Variants in PEDS1 observed in about 807,000 individuals in gnomAD.
PEDS1 encodes the protein CarF homolog.
Under a neutral mutation model 35.2 loss-of-function variants are expected in PEDS1, and 14 were observed. The ratio of observed to expected loss-of-function variants is 0.40; its 90% CI spans 0.26 to 0.62. PEDS1 has a LOEUF of 0.62. PEDS1 is among the 20% of genes least tolerant of loss of function. PEDS1 has a pLI of 0.44. For missense variants in PEDS1, 260 were observed against 367.8 expected, an observed-to-expected ratio of 0.71 and a Z score of 2.40; for synonymous variants, 152 against 152.0, an observed-to-expected ratio of 1.00 and a Z score of 0.00.
chr20:50,153,681 G>A lies in PEDS1; in HGVS notation c.-44C>T. 1 of 1,205,356 alleles carries A rather than the reference G, an allele frequency of 8.3e-7. No homozygotes were observed. Among genetic ancestry groups the A allele is most frequent in the Non-Finnish European group, 1.0e-6 (1 of 971,284 alleles). 74.7% of individuals were successfully genotyped at this position (1,205,356 alleles called of 1,614,324 possible). A position where few individuals can be genotyped will look rare whatever the true frequency, so the allele number is the denominator to read the frequency against. ...CCCGGTGCGCTCTGCTGGCGGCGGC[G>A]GCGGCAGGGCCGCGGAACCGCGGCG... is the stretch of plus-strand genomic sequence containing the variant. On this transcript the variant is annotated 5_prime_UTR_variant, in exon 1 of 6. Transcript: ENST00000371652.
chr20:50,132,633 G>T (rs2081191843), intron 2 of PEDS1, among the ~76,000 whole-genome samples: 1 of 152,124 alleles, frequency 6.6e-6, no homozygotes, highest in Non-Finnish European at 1.5e-5. Flanking sequence ...CGGCACCTCT[G>T]ACTGCTCTTG....
At chr20:50,127,309 G>C (rs953946578) in intron 5 of PEDS1, among the ~76,000 whole-genome samples, 1 of 150,074 alleles carries the variant, frequency 6.7e-6, no homozygotes, top group Non-Finnish European at 1.5e-5. Context: ...TAGATGGTGA[G>C]TGCCACAAGG....
chr20:50,147,618 C>T (rs2081358957), intron 1 of PEDS1, among the ~76,000 whole-genome samples: 1 of 152,182 alleles, frequency 6.6e-6, no homozygotes, highest in Non-Finnish European at 1.5e-5. Flanking sequence ...GTCCTGAAAC[C>T]AAAGATGATC....
rs776547025 is a variant in PEDS1 at position 50,143,518 on chromosome 20, G to A, written c.225C>T (p.Leu75=). Residue 75 remains leucine, a synonymous_variant, in exon 2 of 6, where the codon CTC becomes CTT. Transcript: ENST00000371652. ...LLLARWEDTP[L]VILGVVAGAL... ...GGCACTCACCAACACCGAGTATGACGAGGGGTGTGTCCTCCCAGCGGGCCA... is the reference window on the plus strand; with the variant it reads ...GGCACTCACCAACACCGAGTATGACAAGGGGTGTGTCCTCCCAGCGGGCCA... 2.5e-5 allele frequency: 41 copies of A among 1,609,888 alleles called. No homozygotes were observed. The highest frequency in any genetic ancestry group is 3.3e-4 in the Middle Eastern group (2 of 6,080).
chr20:50,129,362 T>C lies in PEDS1; in HGVS notation c.478+184A>G, dbSNP rs569946675. Reference sequence around the variant, plus strand: ...ATGGACCCAGGGGGGCCAGAGCAGATTGTGCAAGAGAAGCTGGAAACCTCC... The same window carrying C: ...ATGGACCCAGGGGGGCCAGAGCAGACTGTGCAAGAGAAGCTGGAAACCTCC... On this transcript the variant is annotated intron_variant, in intron 4 of 5. Transcript: ENST00000371652. The surrounding 1 kb of genome is among the most constrained non-coding windows in gnomAD (Gnocchi z 4.2). Among the ~76,000 whole-genome samples the C allele has an allele frequency of 2.0e-5, 3 of 152,254 alleles. No homozygotes were observed. Among genetic ancestry groups the C allele is most frequent in the South Asian group, 2.1e-4 (1 of 4,818 alleles).
chr20:50,138,874 G>A (rs1301433065), intron 2 of PEDS1, among the ~76,000 whole-genome samples: 1 of 152,208 alleles, frequency 6.6e-6, no homozygotes, highest in Non-Finnish European at 1.5e-5. Context: ...GCTCACCCCA[G>A]GCTACCCTGA....
Position 50,130,894 on chromosome 20 carries a change from C to T in PEDS1, c.295G>A (p.Asp99Asn). 1 of 1,614,226 alleles carries T rather than the reference C, an allele frequency of 6.2e-7. No individual in the cohort carries two copies. Among genetic ancestry groups the T allele is most frequent in the Non-Finnish European group, 8.5e-7 (1 of 1,180,042 alleles). The change falls in exon 3 of 6, where the codon GAC becomes AAC. Residue 99 changes from aspartate (D) to asparagine (N), a missense_variant. By Grantham distance (23) the Asp-to-Asn change is conservative. Transcript: ENST00000371652. ...FLSGLVHWGA[D>N]TWGSVELPIV... is the part of the protein sequence containing the mutation. ...GGCAGCTCCACAGAGCCCCATGTGT[C>T]AGCACCCCAGTGTACCAGGCCAGAC...
At chr20:50,149,114 AAAAC>A (rs1198207933) in intron 1 of PEDS1, among the ~76,000 whole-genome samples, 3 of 152,276 alleles carry the variant, frequency 2.0e-5, no homozygotes, top group South Asian at 2.1e-4. Context: ...CCTTGTCTCA[AAAAC>A]AAACAAACAA....
In PEDS1 at chr20:50,128,204, G is replaced by A. The variant is rs370448658; in HGVS notation, c.479-17C>T. 28 of 1,611,918 alleles carry A rather than the reference G, an allele frequency of 1.7e-5. No homozygotes were observed. The Admixed American group carries it at 3.3e-4, about 19-fold the overall frequency. ...CCAGGGCTTCTGCAGGTTGGGGAGA[G>A]GGGGGGCCGGCACAGCTGTCACTCG... On this transcript the variant is annotated splice_polypyrimidine_tract_variant and intron_variant, in intron 4 of 5. Coordinates refer to ENST00000371652, the MANE Select transcript of PEDS1 (RefSeq NM_199129.4). This position sits in a 1 kb window ranked among gnomAD's most constrained non-coding sequence, Gnocchi z 5.2.
At chr20:50,140,977 A>T (rs2081286382) in intron 2 of PEDS1, among the ~76,000 whole-genome samples, 1 of 152,176 alleles carries the variant, frequency 6.6e-6, no homozygotes, top group African/African-American at 2.4e-5. Flanking sequence ...TGCAGCCTCG[A>T]AAGCCAGAGA....
chr20:50,145,327 C>G (rs2081334715), intron 1 of PEDS1, among the ~76,000 whole-genome samples: 1 of 152,096 alleles, frequency 6.6e-6, no homozygotes, highest in Non-Finnish European at 1.5e-5. Flanking sequence ...CCCAGGAGTT[C>G]AAGACCAGCT....
At chr20:50,130,709 G>T in intron 3 of PEDS1, 147 bp downstream of exon 3, 1 of 1,016,076 alleles carries the variant, frequency 9.8e-7, no homozygotes, top group Non-Finnish European at 1.4e-6. Flanking sequence ...TCCTGTTCTA[G>T]TCTTGCAGCA....
rs148547339 is a variant in PEDS1 at position 50,120,842 on chromosome 20, G to GA, written c.*4215dup. On this transcript the variant is annotated 3_prime_UTR_variant, in exon 6 of 6. Coordinates refer to ENST00000371652, the MANE Select transcript of PEDS1 (RefSeq NM_199129.4). ...TGACAGAGCAAGACCCCGTCTCCAG[G>GA]AAAAAAAAAAGGCGGGGTGATGGAG... The GA allele has an allele frequency of 0.021, 3,052 of 148,480 alleles. 98 individuals are homozygous for GA. Among genetic ancestry groups the GA allele is most frequent in the African/African-American group, 0.068 (2,758 of 40,380 alleles). The allele number at this position is 148,480 out of a possible 1,614,324, so 9.2% of individuals were successfully genotyped here. A position where few individuals can be genotyped will look rare whatever the true frequency, so the allele number is the denominator to read the frequency against.
intron 1 of PEDS1, among the ~76,000 whole-genome samples, chr20:50,145,568 G>A (rs180894296): frequency 6.6e-6 from 1 of 152,154 alleles, no homozygotes; most frequent in Non-Finnish European, 1.5e-5. Context: ...GGTGGCAGGC[G>A]CCTGTAGTCC....
At chr20:50,137,049 G>C (rs1001712196) in intron 2 of PEDS1, among the ~76,000 whole-genome samples, 1 of 152,006 alleles carries the variant, frequency 6.6e-6, no homozygotes, top group Non-Finnish European at 1.5e-5. Flanking sequence ...AGGCGGGGTG[G>C]GGGGAGCAGA....
Position 50,129,509 on chromosome 20 carries a change from G to A in PEDS1, c.478+37C>T, listed in dbSNP as rs1429784519. The A allele has an allele frequency of 6.2e-7, 1 of 1,612,776 alleles. No individual in the cohort carries two copies. Among genetic ancestry groups the A allele is most frequent in the South Asian group, 1.1e-5 (1 of 91,014 alleles). ...CCTGGGGGTCGGCCTCTGCCCCCAA[G>A]GCCCCCTCCCAGCCCACCACTAGCT... is the stretch of plus-strand genomic sequence containing the variant. On this transcript the variant is annotated intron_variant, in intron 4 of 5. Coordinates refer to ENST00000371652, the MANE Select transcript of PEDS1 (RefSeq NM_199129.4). This position sits in a 1 kb window ranked among gnomAD's most constrained non-coding sequence, Gnocchi z 4.2.
At chr20:50,133,502 CCTGCTCTGGTCTGGG>C (rs1476634145) in intron 2 of PEDS1, among the ~76,000 whole-genome samples, 1 of 152,116 alleles carries the variant, frequency 6.6e-6, no homozygotes, top group Non-Finnish European at 1.5e-5. Flanking sequence ...ACCCAGTGGC[CCTGCTCTGGTCTGGG>C]CAGTCTTGCC....
rs775980798 is a variant in PEDS1 at position 50,125,105 on chromosome 20, C to T, written c.766G>A (p.Glu256Lys). Reference sequence around the variant, plus strand: ...TTCATGTCATCTGCCCGAGGCTTCTCGCCCGTCAGGCCCTGGATGAGGTCC... The same window carrying T: ...TTCATGTCATCTGCCCGAGGCTTCTTGCCCGTCAGGCCCTGGATGAGGTCC... ...LEDLIQGLTG[E>K]KPRADDMKWA... The change falls in exon 6 of 6, where the codon GAG becomes AAG. Residue 256 changes from glutamate (E) to lysine (K), a missense_variant. Around this residue, in one of 4 missense-constraint regions of PEDS1, gnomAD observed 83 missense variants for 142.8 expected, o/e 0.58. Transcript: ENST00000371652. 8.7e-6 allele frequency: 14 copies of T among 1,614,054 alleles called. No homozygotes were observed. Among genetic ancestry groups the T allele is most frequent in the South Asian group, 4.4e-5 (4 of 91,076 alleles).
intron 1 of PEDS1, among the ~76,000 whole-genome samples, chr20:50,146,274 G>A (rs2081344357): frequency 6.6e-6 from 1 of 152,096 alleles, no homozygotes; most frequent in South Asian, 2.1e-4. Context: ...TCTCCAGGAA[G>A]CCATCCATGA....
Sources: allele counts gnomAD v4.1 joint callset (sites outside exome capture counted in the v4.1 genomes callset), GRCh38; gene constraint gnomAD v4.1.1; regional missense constraint gnomAD v4.1.1; non-coding constraint Gnocchi (gnomAD v3.1); transcripts MANE v1.5; gene names NCBI Gene and HGNC (gene_info 2026-07-23, HGNC 2026-07-21).